FARP2: variants seen among roughly 807,000 people sequenced by gnomAD.
FARP2 encodes the protein FERM, ARH/RhoGEF and pleckstrin domain protein 2.
FARP2 carries 111 observed loss-of-function variants against 130.5 expected under a neutral mutation model. The observed-to-expected ratio is 0.85, with a 90% confidence interval of 0.73 to 1.00. The LOEUF is 1.00. Among genes scored for constraint, FARP2 ranks in the 50% least tolerant of loss-of-function variants. The probability of loss-of-function intolerance (pLI) is 0.00; values close to 1 mark genes in which losing one functional copy is unlikely to be tolerated. For synonymous variants in FARP2, 504 were observed against 516.9 expected (o/e 0.98, Z 0.34); for missense variants, 1,385 against 1,346.3 (o/e 1.03, Z -0.45).
chr2:241,431,702 C>G lies in FARP2; in HGVS notation c.795C>G (p.Phe265Leu), dbSNP rs376993519. The G allele has an allele frequency of 6.2e-7, 1 of 1,600,670 alleles. No individual in the cohort carries two copies. The highest frequency in any genetic ancestry group is 8.5e-7 in the Non-Finnish European group (1 of 1,169,780). The change falls in exon 9 of 27, where the codon TTC becomes TTG. Residue 265 changes from phenylalanine to leucine, a missense_variant. Phe to Leu is a conservative substitution (Grantham distance 22). Transcript: ENST00000264042. ...VFQGTTKINT[F>L]NWSKVRKLSF... ...AGGGCACCACCAAAATCAACACTTT[C>G]AACTGGTCCAAGGTCCGTAAACTAA...
intron 4 of FARP2, among the ~76,000 whole-genome samples, chr2:241,406,876 C>T (rs111410563): frequency 0.09 from 13,658 of 152,020 alleles, 628 homozygotes; most frequent in Middle Eastern, 0.15. Context: ...GGCACGATCG[C>T]GGCTCACTGC....
intron 4 of FARP2, among the ~76,000 whole-genome samples, chr2:241,407,049 C>A (rs911616087): frequency 6.6e-6 from 1 of 152,062 alleles, no homozygotes; most frequent in Non-Finnish European, 1.5e-5. Flanking sequence ...ACCTTGTGAT[C>A]CGCCCCCCTC....
intron 13 of FARP2, among the ~76,000 whole-genome samples, chr2:241,454,802 A>G (rs2063788164): frequency 6.6e-6 from 1 of 152,240 alleles, no homozygotes; most frequent in African/African-American, 2.4e-5. Context: ...TTTCTATAGC[A>G]ATGAATGTTT....
At chr2:241,453,609 G>A (rs546113172) in intron 13 of FARP2, among the ~76,000 whole-genome samples, 3,554 of 149,940 alleles carry the variant, frequency 0.024, 73 homozygotes, top group Non-Finnish European at 0.036. Context: ...GTGAAAGAGC[G>A]AGACTCTGTC....
chr2:241,400,472 A>G (rs1020914526), intron 2 of FARP2, among the ~76,000 whole-genome samples: 1 of 152,226 alleles, frequency 6.6e-6, no homozygotes, highest in Non-Finnish European at 1.5e-5. Flanking sequence ...AGTCAGCAGC[A>G]ATGCCAAAGG....
At chr2:241,434,046 T>C in intron 9 of FARP2, 112 bp from the exon 10 acceptor site, 1 of 847,462 alleles carries the variant, frequency 1.2e-6, no homozygotes, top group South Asian at 1.8e-5. Flanking sequence ...AAAAAAAACC[T>C]TACTGATTTT....
intron 11 of FARP2, among the ~76,000 whole-genome samples, chr2:241,435,596 C>T (rs1197548780): frequency 6.7e-6 from 1 of 150,222 alleles, no homozygotes; most frequent in African/African-American, 2.5e-5. Context: ...ACTGCAAGCT[C>T]CGCCTCCCGG....
chr2:241,421,915 G>A (rs6731054), intron 8 of FARP2, among the ~76,000 whole-genome samples: 28,907 of 151,872 alleles, frequency 0.19, 3,087 homozygotes, highest in Middle Eastern at 0.35. Context: ...AGGCTGAGGT[G>A]GGCAGATCAC....
chr2:241,453,624 A>AGGG (rs1418865230), intron 13 of FARP2, among the ~76,000 whole-genome samples: 1 of 151,580 alleles, frequency 6.6e-6, no homozygotes, highest in Non-Finnish European at 1.5e-5. Flanking sequence ...TCTGTCTCAA[A>AGGG]AAAAAAAAAA....
intron 2 of FARP2, among the ~76,000 whole-genome samples, chr2:241,402,584 G>T (rs1381659489): frequency 6.6e-6 from 1 of 151,728 alleles, no homozygotes; most frequent in Non-Finnish European, 1.5e-5. Context: ...AGATTATAGA[G>T]ATTCTTCTCT....
chr2:241,453,298 C>T (rs563591357), intron 13 of FARP2, among the ~76,000 whole-genome samples: 2 of 150,252 alleles, frequency 1.3e-5, no homozygotes, highest in Non-Finnish European at 2.9e-5. Flanking sequence ...CTACTGCACT[C>T]CAACCTGGGC....
At chr2:241,366,362 A>G (rs1431849845) in intron 1 of FARP2, among the ~76,000 whole-genome samples, 5 of 151,634 alleles carry the variant, frequency 3.3e-5, no homozygotes, top group Non-Finnish European at 7.4e-5. Context: ...TCTGCTTTTC[A>G]GTTTGTAGAA....
At chr2:241,462,661 A>C in intron 15 of FARP2, 49 bp downstream of exon 15, 1 of 1,167,340 alleles carries the variant, frequency 8.6e-7, no homozygotes, top group Non-Finnish European at 1.3e-6. Flanking sequence ...TAAATCTCTC[A>C]TCTGAACACA....
chr2:241,411,193 G>T, intron 6 of FARP2, 63 bp downstream of exon 6: 1 of 1,121,702 alleles, frequency 8.9e-7, no homozygotes, highest in South Asian at 1.3e-5. Context: ...CCCGCACTCA[G>T]AACTACAATT....
rs1574925673 is a variant in FARP2 at position 241,493,544 on chromosome 2, G to T, written c.3047+100G>T. ...GTGGAGGCAAGTTTTCTGGGCCCTG[G>T]AAAGGAAGGGCTGAGCAATGCTTCC... On this transcript the variant is annotated intron_variant, in intron 26 of 26. Transcript: ENST00000264042. 7 of 1,097,558 alleles carry T rather than the reference G, an allele frequency of 6.4e-6. No homozygotes were observed. In the East Asian group the frequency reaches 1.4e-4, roughly 22 times the overall value. 68.0% of individuals were successfully genotyped at this position (1,097,558 alleles called of 1,614,324 possible).
chr2:241,418,325 G>A (rs555576710), intron 8 of FARP2, among the ~76,000 whole-genome samples: 1 of 152,260 alleles, frequency 6.6e-6, no homozygotes, highest in South Asian at 2.1e-4. Flanking sequence ...TGTCCTCCAT[G>A]TCATGGAGCC....
intron 2 of FARP2, among the ~76,000 whole-genome samples, chr2:241,402,857 TATATATATATATATA>T (rs2062214597): frequency 1.6e-4 from 2 of 12,836 alleles, no homozygotes; most frequent in African/African-American, 2.8e-4. Flanking sequence ...TATATATATA[TATATATATATATATA>T]TATATATATT....
chr2:241,363,010 G>A (rs895149087), intron 1 of FARP2, among the ~76,000 whole-genome samples: 2 of 152,214 alleles, frequency 1.3e-5, no homozygotes, highest in Admixed American at 1.3e-4. Context: ...CTGGACATGT[G>A]CATGGAGCAG....
rs2064643231 is a variant in FARP2, at chr2:241,482,595, T to C, written c.2263-870T>C. Among the ~76,000 whole-genome samples, 1 of 152,168 alleles carries C rather than the reference T, an allele frequency of 6.6e-6. No homozygotes were observed. Among genetic ancestry groups the C allele is most frequent in the African/African-American group, 2.4e-5 (1 of 41,426 alleles). On this transcript the variant is annotated intron_variant, in intron 19 of 26. Transcript: ENST00000264042. The surrounding 1 kb of genome is among the most constrained non-coding windows in gnomAD (Gnocchi z 4.6). Reference sequence around the variant, plus strand: ...GCATCCATATGACCACCTTCTTCATTGTGTGGGGTGGACGTTTCTGTTTGG... The same window carrying C: ...GCATCCATATGACCACCTTCTTCATCGTGTGGGGTGGACGTTTCTGTTTGG...
Sources: allele counts gnomAD v4.1 joint callset (sites outside exome capture counted in the v4.1 genomes callset), GRCh38; gene constraint gnomAD v4.1.1; non-coding constraint Gnocchi (gnomAD v3.1); transcripts MANE v1.5; gene names NCBI Gene and HGNC (gene_info 2026-07-23, HGNC 2026-07-21).